Variants in CFAP20DC observed in about 807,000 individuals in gnomAD.
The protein encoded by CFAP20DC is CFAP20 domain containing.
Under a neutral mutation model 101.7 loss-of-function variants are expected in CFAP20DC, and 84 were observed. The ratio of observed to expected loss-of-function variants is 0.83; its 90% CI spans 0.69 to 0.99. CFAP20DC has a LOEUF of 0.99. CFAP20DC is among the 50% of genes least tolerant of loss of function. The probability of loss-of-function intolerance (pLI) is 0.00; values close to 1 mark genes in which losing one functional copy is unlikely to be tolerated. For synonymous variants in CFAP20DC, 359 were observed against 351.2 expected (o/e 1.02, Z -0.25); for missense variants, 1,007 against 970.3 (o/e 1.04, Z -0.50).
chr3:58,816,290 A>C (rs2107840625), intron 14 of CFAP20DC, among the ~76,000 whole-genome samples: 1 of 152,278 alleles, frequency 6.6e-6, no homozygotes, highest in Non-Finnish European at 1.5e-5. Flanking sequence ...GGGAGGAGCC[A>C]AGATGGCCGA....
intron 6 of CFAP20DC, among the ~76,000 whole-genome samples, chr3:58,890,666 G>C (rs1353639588): frequency 6.8e-6 from 1 of 147,622 alleles, no homozygotes; most frequent in East Asian, 2.1e-4. Context: ...CCTCTTTTCA[G>C]ACGGGGTGGT....
Position 58,941,327 on chromosome 3 carries a change from C to CAAAAAAAA in CFAP20DC, c.279-3573_279-3566dup, listed in dbSNP as rs752324535. ...CTGGCGACAGAGCGAGACTCCGTCT[C>CAAAAAAAA]AAAAAAAAAAAAAAAAAAAAAAAAA... On this transcript the variant is annotated intron_variant, in intron 4 of 16. Coordinates refer to ENST00000482387, the MANE Select transcript of CFAP20DC (RefSeq NM_001394063.1). 8.2e-4 allele frequency among the ~76,000 whole-genome samples: 16 copies of CAAAAAAAA among 19,534 alleles called. 2 individuals carry two copies. The highest frequency in any genetic ancestry group is 1.8e-3 in the African/African-American group (10 of 5,460). 12.8% of individuals were successfully genotyped at this position (19,534 alleles called of 152,430 possible). A position where few individuals can be genotyped will look rare whatever the true frequency, so the allele number is the denominator to read the frequency against.
Position 58,855,478 on chromosome 3 carries a change from C to G in CFAP20DC, c.1594-6069G>C, listed in dbSNP as rs532162311. Among the ~76,000 whole-genome samples, 152 of 152,232 alleles carry G rather than the reference C, an allele frequency of 1.0e-3. 1 individual carries two copies. The highest frequency in any genetic ancestry group is 1.8e-3 in the Non-Finnish European group (121 of 68,002). ...GAAATACCATTTGACCCAGCCATCC[C>G]ATTACTGGGTATATACCCAAAGGAC... On this transcript the variant is annotated intron_variant, in intron 12 of 16. Coordinates refer to ENST00000482387, the MANE Select transcript of CFAP20DC (RefSeq NM_001394063.1).
At chr3:58,901,476 A>G (rs1483561938) in intron 6 of CFAP20DC, among the ~76,000 whole-genome samples, 1 of 152,196 alleles carries the variant, frequency 6.6e-6, no homozygotes, top group Non-Finnish European at 1.5e-5. Flanking sequence ...CAAAAATAAT[A>G]CTTACCTCAA....
intron 4 of CFAP20DC, among the ~76,000 whole-genome samples, chr3:59,005,556 T>C (rs2093414421): frequency 6.6e-6 from 1 of 152,210 alleles, no homozygotes; most frequent in African/African-American, 2.4e-5. Flanking sequence ...ATAATTTTTA[T>C]ATGAATTAAG....
At chr3:58,758,807 G>A (rs1387319354) in intron 15 of CFAP20DC, among the ~76,000 whole-genome samples, 3 of 151,982 alleles carry the variant, frequency 2.0e-5, no homozygotes, top group African/African-American at 2.4e-5. Flanking sequence ...TTGACCTTGC[G>A]ATAGTTTGCT....
intron 6 of CFAP20DC, among the ~76,000 whole-genome samples, chr3:58,890,862 G>A (rs2082168356): frequency 6.7e-6 from 1 of 149,424 alleles, no homozygotes; most frequent in African/African-American, 2.5e-5. Flanking sequence ...CTTCCTAGAT[G>A]TGATGGTGGC....
At chr3:58,876,206 C>G (rs1414549973) in intron 7 of CFAP20DC, among the ~76,000 whole-genome samples, 1 of 151,984 alleles carries the variant, frequency 6.6e-6, no homozygotes, top group Non-Finnish European at 1.5e-5. Flanking sequence ...TTCTTAAGTC[C>G]TGCTTCACTT....
At chr3:58,888,736 TC>T (rs1161488172) in intron 6 of CFAP20DC, among the ~76,000 whole-genome samples, 2 of 152,242 alleles carry the variant, frequency 1.3e-5, no homozygotes, top group Non-Finnish European at 2.9e-5. Context: ...AAGATCTGGT[TC>T]CATGTCGTTG....
At chr3:58,719,992 A>C (rs2067448387) in intron 3 of CFAP20DC, among the ~76,000 whole-genome samples, 1 of 152,218 alleles carries the variant, frequency 6.6e-6, no homozygotes, top group Non-Finnish European at 1.5e-5. Flanking sequence ...AATCTGGTTA[A>C]ATGTCTCCTT....
rs147787696 is a variant in CFAP20DC, at chr3:58,749,559, A to T, written c.2332+4210T>A. ...TCTCATGGGAGATTAATCAACAACCATATGGGAATATTTGGTGTGGCTTTG... is the reference window on the plus strand; with the variant it reads ...TCTCATGGGAGATTAATCAACAACCTTATGGGAATATTTGGTGTGGCTTTG... On this transcript the variant is annotated intron_variant, in intron 16 of 16. Coordinates refer to ENST00000482387, the MANE Select transcript of CFAP20DC (RefSeq NM_001394063.1). Among the ~76,000 whole-genome samples the T allele has an allele frequency of 2.3e-3, 353 of 152,334 alleles. 2 individuals are homozygous for T. The Middle Eastern group carries it at 0.024, about 10-fold the overall frequency.
chr3:58,855,731 A>T (rs1202570640), intron 12 of CFAP20DC, among the ~76,000 whole-genome samples: 1 of 151,590 alleles, frequency 6.6e-6, no homozygotes, highest in Non-Finnish European at 1.5e-5. Context: ...AAACTATCAC[A>T]AGAAGAAAAA....
intron 15 of CFAP20DC, among the ~76,000 whole-genome samples, chr3:58,759,679 A>C (rs2069344937): frequency 6.6e-6 from 1 of 152,180 alleles, no homozygotes; most frequent in Non-Finnish European, 1.5e-5. Flanking sequence ...TCTAACGTTT[A>C]AGTCTTTAAC....
chr3:58,830,573 G>A (rs73837973), intron 14 of CFAP20DC, among the ~76,000 whole-genome samples: 18,229 of 152,080 alleles, frequency 0.12, 1,953 homozygotes, highest in East Asian at 0.35. Context: ...TGAAAAGCAA[G>A]TCACAAAATT....
intron 5 of CFAP20DC, among the ~76,000 whole-genome samples, chr3:58,933,782 G>C (rs1191510919): frequency 2.6e-5 from 4 of 151,760 alleles, no homozygotes; most frequent in African/African-American, 4.8e-5. Context: ...AGTGTGTAGA[G>C]GGAAATTTAT....
intron 4 of CFAP20DC, among the ~76,000 whole-genome samples, chr3:58,974,251 C>T (rs549701558): frequency 2.6e-4 from 39 of 152,058 alleles, no homozygotes; most frequent in Non-Finnish European, 4.0e-4. Context: ...CAACCCTCGC[C>T]GTCCTCCCAC....
chr3:58,968,232 T>C (rs527330040), intron 4 of CFAP20DC, among the ~76,000 whole-genome samples: 1 of 152,296 alleles, frequency 6.6e-6, no homozygotes, highest in East Asian at 1.9e-4. Context: ...TACCCAGAAA[T>C]GGGATTGCTG....
At chr3:58,824,536 T>A (rs2075909065) in intron 14 of CFAP20DC, 1 of 152,124 alleles carries the variant, frequency 6.6e-6, no homozygotes, top group Non-Finnish European at 1.5e-5. Flanking sequence ...GAAGGCTAAA[T>A]AAAAGAACCG....
intron 4 of CFAP20DC, among the ~76,000 whole-genome samples, chr3:59,011,397 C>CAAA (rs371802860): frequency 3.2e-4 from 37 of 114,802 alleles, no homozygotes; most frequent in Middle Eastern, 8.9e-3. Context: ...GGCTCCATCT[C>CAAA]AAAAAAAAAA....
Sources: allele counts gnomAD v4.1 joint callset (sites outside exome capture counted in the v4.1 genomes callset), GRCh38; gene constraint gnomAD v4.1.1; transcripts MANE v1.5; gene names NCBI Gene and HGNC (gene_info 2026-07-23, HGNC 2026-07-21).